Variants in EYA2 observed in about 807,000 individuals in gnomAD.
EYA2 encodes protein phosphatase EYA2.
EYA2 carries 31 observed loss-of-function variants against 69.2 expected under a neutral mutation model. The observed-to-expected ratio is 0.45, with a 90% CI of 0.34 to 0.60. EYA2 has a LOEUF of 0.60. EYA2 is among the 20% of genes least tolerant of loss of function. EYA2 has a pLI of 0.02. For missense variants in EYA2, 622 were observed against 701.2 expected (o/e 0.89, Z 1.28); for synonymous variants, 257 against 279.4 (o/e 0.92, Z 0.80).
chr20:47,138,856 CTTTTT>C (rs2033534450), intron 9 of EYA2, among the ~76,000 whole-genome samples: 1 of 152,148 alleles, frequency 6.6e-6, no homozygotes, highest in Non-Finnish European at 1.5e-5. Context: ...AACTGCCTTT[CTTTTT>C]GTGTACAGCC....
chr20:47,065,120 G>C (rs548027111), intron 5 of EYA2, among the ~76,000 whole-genome samples: 2 of 152,238 alleles, frequency 1.3e-5, no homozygotes, highest in Non-Finnish European at 2.9e-5. Flanking sequence ...GAACAGCATG[G>C]GAAAGATCTG....
At position 47,069,123 on chromosome 20, in the gene EYA2, C is replaced by G. The variant is rs1459654719; in HGVS notation, c.416-3062C>G. ...AATCCCAGATGGTGTTTAGTAGAAA[C>G]TGACATGCAAAGTAACTAAAAGCCA... On this transcript the variant is annotated intron_variant, in intron 5 of 15. Transcript: ENST00000327619. 5.3e-5 allele frequency among the ~76,000 whole-genome samples: 8 copies of G among 152,132 alleles called. 1 individual carries two copies. The highest frequency in any genetic ancestry group is 8.8e-5 in the Non-Finnish European group (6 of 68,030).
Position 46,920,875 on chromosome 20 carries a change from G to A in EYA2, c.-11+25888G>A, listed in dbSNP as rs182013287. On this transcript the variant is annotated intron_variant, in intron 1 of 15. Transcript: ENST00000327619. ...AACTGGTGCCACCCAGGATGGCCTTGGTTAGTACGGCATCTCTTCATGGGC... is the reference window on the plus strand; with the variant it reads ...AACTGGTGCCACCCAGGATGGCCTTAGTTAGTACGGCATCTCTTCATGGGC... 7.0e-4 allele frequency among the ~76,000 whole-genome samples: 106 copies of A among 152,346 alleles called. 1 individual carries two copies. The highest frequency in any genetic ancestry group is 2.9e-5 in the Non-Finnish European group (2 of 68,024).
At chr20:47,010,792 T>A (rs960362057) in intron 4 of EYA2, among the ~76,000 whole-genome samples, 18 of 46,728 alleles carry the variant, frequency 3.9e-4, no homozygotes, top group Non-Finnish European at 1.6e-3. Context: ...TGAGTTGATT[T>A]TTTTTTTTTT....
intron 1 of EYA2, among the ~76,000 whole-genome samples, chr20:46,951,219 A>G (rs1978775010): frequency 6.6e-6 from 1 of 152,174 alleles, no homozygotes; most frequent in South Asian, 2.1e-4. Flanking sequence ...AGGCTGGCAC[A>G]TTAGTGGAAT....
At chr20:47,057,133 A>AGGAGGGAG (rs761053258) in intron 5 of EYA2, among the ~76,000 whole-genome samples, 2 of 110,226 alleles carry the variant, frequency 1.8e-5, no homozygotes, top group Non-Finnish European at 3.8e-5. Context: ...GAAGACAGGA[A>AGGAGGGAG]GGAGGGAGGA....
chr20:46,967,858 C>T (rs1568692955), intron 1 of EYA2, among the ~76,000 whole-genome samples: 1 of 152,166 alleles, frequency 6.6e-6, no homozygotes, highest in African/African-American at 2.4e-5. Context: ...GTATTGGAGG[C>T]CTCCAGGACA....
At chr20:47,082,110 G>T (rs1348114069) in intron 7 of EYA2, among the ~76,000 whole-genome samples, 1 of 152,058 alleles carries the variant, frequency 6.6e-6, no homozygotes, top group Non-Finnish European at 1.5e-5. Flanking sequence ...AAAGTGCTGG[G>T]ATTACAAGCG....
At chr20:46,895,596 T>C (rs1983766314) in intron 1 of EYA2, among the ~76,000 whole-genome samples, 1 of 152,206 alleles carries the variant, frequency 6.6e-6, no homozygotes, top group African/African-American at 2.4e-5. Flanking sequence ...CGGGTAGAGT[T>C]GAAACTTAGA....
rs1223528559 is a variant in EYA2, at chr20:46,901,360, T to G, written c.-11+6373T>G. The G allele has an allele frequency of 3.3e-5, 5 of 152,256 alleles. No individual in the cohort carries two copies. In the East Asian group the frequency reaches 9.6e-4, roughly 29 times the overall value. 9.4% of individuals were successfully genotyped at this position (152,256 alleles called of 1,614,324 possible). A position where few individuals can be genotyped will look rare whatever the true frequency, so the allele number is the denominator to read the frequency against. On this transcript the variant is annotated intron_variant, in intron 1 of 15. Coordinates refer to ENST00000327619, the MANE Select transcript of EYA2 (RefSeq NM_005244.5). ...CACTTTGTGGTTAAGGTATTCATGG[T>G]TTCCAAAACAATTTTTTGTTCCCAC...
intron 5 of EYA2, among the ~76,000 whole-genome samples, chr20:47,058,203 A>G (rs2030724998): frequency 6.6e-6 from 1 of 152,272 alleles, no homozygotes; most frequent in African/African-American, 2.4e-5. Context: ...AGGGATGTTT[A>G]GAATCATCGG....
intron 6 of EYA2, among the ~76,000 whole-genome samples, chr20:47,073,015 T>C (rs1442846033): frequency 2.0e-5 from 3 of 152,264 alleles, no homozygotes; most frequent in African/African-American, 7.2e-5. Context: ...TTATTTCTAA[T>C]GTACTATGTA....
chr20:47,023,706 C>T (rs1983910174), intron 5 of EYA2, among the ~76,000 whole-genome samples: 1 of 131,612 alleles, frequency 7.6e-6, no homozygotes, highest in Non-Finnish European at 1.5e-5. Context: ...GGCGTAATCT[C>T]GGCTCATTGC....
intron 12 of EYA2, among the ~76,000 whole-genome samples, chr20:47,176,558 T>C (rs979374007): frequency 6.6e-6 from 1 of 152,284 alleles, no homozygotes; most frequent in East Asian, 1.9e-4. Flanking sequence ...GAGATTCTAA[T>C]AATGATAACC....
chr20:46,972,089 C>T (rs969769582), intron 1 of EYA2, among the ~76,000 whole-genome samples: 6 of 152,122 alleles, frequency 3.9e-5, no homozygotes, highest in African/African-American at 1.4e-4. Flanking sequence ...ACAATATGAT[C>T]AAGAAAGGAA....
intron 1 of EYA2, among the ~76,000 whole-genome samples, chr20:46,975,625 G>A (rs1416343602): frequency 6.6e-6 from 1 of 152,204 alleles, no homozygotes. Flanking sequence ...TCAAGAATGA[G>A]GGAAACAGGC....
At chr20:46,939,167 T>C (rs1986046762) in intron 1 of EYA2, among the ~76,000 whole-genome samples, 1 of 152,198 alleles carries the variant, frequency 6.6e-6, no homozygotes, top group Non-Finnish European at 1.5e-5. Context: ...AGCATTGCCC[T>C]GGTGACAGCG....
chr20:47,171,532 G>T (rs1477658553), intron 11 of EYA2, among the ~76,000 whole-genome samples: 4 of 152,116 alleles, frequency 2.6e-5, no homozygotes, highest in African/African-American at 9.7e-5. Flanking sequence ...CTAGGAGAGA[G>T]AGATGCTTTT....
intron 9 of EYA2, among the ~76,000 whole-genome samples, chr20:47,123,944 T>A (rs1274719183): frequency 6.7e-6 from 1 of 149,826 alleles, no homozygotes; most frequent in Admixed American, 6.7e-5. Flanking sequence ...GTGTGCCAAG[T>A]GCACTCCAGC....
Sources: gnomAD v4.1 joint callset for allele counts (sites outside exome capture counted in the v4.1 genomes callset) on GRCh38, gnomAD v4.1.1 for gene constraint, MANE v1.5 for transcripts, NCBI Gene and HGNC (gene_info 2026-07-23, HGNC 2026-07-21) for gene names.